ARL6IP5: variants seen among roughly 807,000 people sequenced by gnomAD.
ARL6IP5 encodes PRA1 family protein 3.
In ARL6IP5, 6 loss-of-function variants were observed where a neutral mutation model predicts 13.0. The ratio of observed to expected loss-of-function variants is 0.46; its 90% CI spans 0.25 to 0.91. ARL6IP5 has a LOEUF of 0.91. ARL6IP5 is among the 40% of genes least tolerant of loss of function. The pLI is 0.17. For missense variants in ARL6IP5, 208 were observed against 248.8 expected, an observed-to-expected ratio of 0.84 and a Z score of 1.10; for synonymous variants, 91 against 91.9, an observed-to-expected ratio of 0.99 and a Z score of 0.06.
intron 2 of ARL6IP5, chr3:69,102,303 C>A: frequency 1.9e-6 from 1 of 527,410 alleles, no homozygotes; most frequent in Non-Finnish European, 3.4e-6. Context: ...TGCTATGTGT[C>A]ATACATTCTT....
At chr3:69,097,031 T>A (rs908891050) in intron 1 of ARL6IP5, among the ~76,000 whole-genome samples, 1 of 151,976 alleles carries the variant, frequency 6.6e-6, no homozygotes, top group African/African-American at 2.4e-5. Flanking sequence ...TAAATACCAA[T>A]TTTTTTTATT....
chr3:69,085,057 A>G lies in ARL6IP5; in HGVS notation c.10A>G (p.Asn4Asp). The G allele has an allele frequency of 6.2e-7, 1 of 1,613,828 alleles. No homozygotes were observed. Among genetic ancestry groups the G allele is most frequent in the East Asian group, 2.2e-5 (1 of 44,880 alleles). ...ACGCAAAGCTGAGAACATGGACGTT[A>G]ATATCGCCCCACTCCGCGCCTGGGA... MDVNIAPLRAWDDF... is the reference protein window; with the variant it reads MDVDIAPLRAWDDF... Residue 4 changes from asparagine (N) to aspartate (D), a missense_variant, in exon 1 of 3, where the codon AAT becomes GAT. Asn to Asp is a conservative substitution (Grantham distance 23). Coordinates refer to ENST00000273258, the MANE Select transcript of ARL6IP5 (RefSeq NM_006407.4).
Position 69,105,050 on chromosome 3 carries a change from C to A in ARL6IP5, c.*414C>A. 1.7e-6 allele frequency: 1 copy of A among 595,736 alleles called. No homozygotes were observed. Among genetic ancestry groups the A allele is most frequent in the Non-Finnish European group, 3.0e-6 (1 of 338,230 alleles). The allele number at this position is 595,736 out of a possible 1,614,324, so 36.9% of individuals were successfully genotyped here. Reference sequence around the variant, plus strand: ...TAAAGTAGATGACATCATGTGTTAGCCTGTTCCTAATCCCCTAGAATTGTA... The same window carrying A: ...TAAAGTAGATGACATCATGTGTTAGACTGTTCCTAATCCCCTAGAATTGTA... On this transcript the variant is annotated 3_prime_UTR_variant, in exon 3 of 3. Transcript: ENST00000273258.
At chr3:69,091,950 A>G in intron 1 of ARL6IP5, among the ~76,000 whole-genome samples, 1 of 152,138 alleles carries the variant, frequency 6.6e-6, no homozygotes. Context: ...TATTTTTTGG[A>G]CAAATGAATT....
rs1315626633 is a variant in ARL6IP5 at position 69,101,944 on chromosome 3, G to A, written c.282G>A (p.Lys94=). 6.2e-7 allele frequency: 1 copy of A among 1,614,110 alleles called. No individual in the cohort carries two copies. The highest frequency in any genetic ancestry group is 2.2e-5 in the East Asian group (1 of 44,854). The change falls in exon 2 of 3, where the codon AAG becomes AAA. Residue 94 remains lysine, a synonymous_variant. Coordinates refer to ENST00000273258, the MANE Select transcript of ARL6IP5 (RefSeq NM_006407.4). The part of the protein sequence containing the change: ...AHNKDVLRRM[K]KRYPTTFVMV... ...ATAAAGACGTCCTTCGCCGGATGAAGAAGCGCTACCCCACGACGTTCGTTA... is the reference window on the plus strand; with the variant it reads ...ATAAAGACGTCCTTCGCCGGATGAAAAAGCGCTACCCCACGACGTTCGTTA...
chr3:69,098,340 G>A, intron 1 of ARL6IP5, among the ~76,000 whole-genome samples: 1 of 150,604 alleles, frequency 6.6e-6, no homozygotes, highest in Non-Finnish European at 1.5e-5. Context: ...CGCCTCCCAG[G>A]TTCAAGCAAT....
chr3:69,099,191 T>C (rs1245097007), intron 1 of ARL6IP5, among the ~76,000 whole-genome samples: 1 of 142,314 alleles, frequency 7.0e-6, no homozygotes, highest in African/African-American at 2.7e-5. Context: ...GCCAACATGG[T>C]GAAACCCCGT....
intron 1 of ARL6IP5, among the ~76,000 whole-genome samples, chr3:69,088,247 C>T (rs1367653000): frequency 2.0e-5 from 3 of 152,164 alleles, no homozygotes; most frequent in African/African-American, 7.2e-5. Flanking sequence ...TATCCTCTTT[C>T]GGTGATGCTA....
chr3:69,088,921 T>C (rs536506412), intron 1 of ARL6IP5, among the ~76,000 whole-genome samples: 1 of 152,368 alleles, frequency 6.6e-6, no homozygotes, highest in African/African-American at 2.4e-5. Context: ...TGATACATTC[T>C]AGTTGTGGAT....
intron 1 of ARL6IP5, among the ~76,000 whole-genome samples, chr3:69,088,354 G>A (rs537376782): frequency 1.4e-4 from 22 of 152,306 alleles, no homozygotes; most frequent in Non-Finnish European, 2.9e-4. Flanking sequence ...GAGTATATGT[G>A]AAAATGTGAC....
At position 69,085,073 on chromosome 3, in the gene ARL6IP5, G is replaced by A; in HGVS notation, c.26G>A (p.Arg9His). MDVNIAPL[R>H]AWDDFFPGSD... ...ATGGACGTTAATATCGCCCCACTCCGCGCCTGGGACGATTTCTTCCCGGGT... is the reference window on the plus strand; with the variant it reads ...ATGGACGTTAATATCGCCCCACTCCACGCCTGGGACGATTTCTTCCCGGGT... The change falls in exon 1 of 3, where the codon CGC (arginine) becomes CAC (histidine). Residue 9 changes from arginine to histidine, a missense_variant. By Grantham distance (29) the Arg-to-His change is conservative. Transcript: ENST00000273258. 1.2e-6 allele frequency: 2 copies of A among 1,614,102 alleles called. No homozygotes were observed. The highest frequency in any genetic ancestry group is 1.7e-6 in the Non-Finnish European group (2 of 1,180,022).
chr3:69,088,723 C>T (rs1438556704), intron 1 of ARL6IP5, among the ~76,000 whole-genome samples: 2 of 152,220 alleles, frequency 1.3e-5, no homozygotes, highest in Admixed American at 1.3e-4. Flanking sequence ...GGATCCTTTA[C>T]ATCAAGAAGG....
At chr3:69,086,717 A>C (rs2092248728) in intron 1 of ARL6IP5, among the ~76,000 whole-genome samples, 1 of 150,374 alleles carries the variant, frequency 6.7e-6, no homozygotes, top group African/African-American at 2.4e-5. Flanking sequence ...AACACTAAAA[A>C]ATTTCTTTTT....
intron 2 of ARL6IP5, among the ~76,000 whole-genome samples, chr3:69,102,536 A>G (rs976198324): frequency 2.0e-5 from 3 of 152,224 alleles, no homozygotes; most frequent in African/African-American, 7.2e-5. Context: ...CTGGGATTAC[A>G]GGCGTGAGCC....
Position 69,086,775 on chromosome 3 carries a change from T to C in ARL6IP5, c.176+1552T>C, listed in dbSNP as rs576520964. 2.1e-4 allele frequency among the ~76,000 whole-genome samples: 31 copies of C among 148,386 alleles called. No homozygotes were observed. In the South Asian group the frequency reaches 6.6e-3, roughly 32 times the overall value. ...CCTCGTTCTGTCGCCCAGGCTGGAG[T>C]GCAGTGGCGTGATCTCGTCTCACTA... On this transcript the variant is annotated intron_variant, in intron 1 of 2. Coordinates refer to ENST00000273258, the MANE Select transcript of ARL6IP5 (RefSeq NM_006407.4).
intron 1 of ARL6IP5, among the ~76,000 whole-genome samples, chr3:69,093,364 T>A (rs1362277141): frequency 6.6e-6 from 1 of 152,188 alleles, no homozygotes; most frequent in Non-Finnish European, 1.5e-5. Flanking sequence ...GACCTTTCTG[T>A]AACAAAAGAG....
rs182703309 is a variant in ARL6IP5 at position 69,092,766 on chromosome 3, C to T, written c.176+7543C>T. Among the ~76,000 whole-genome samples, 62 of 151,782 alleles carry T rather than the reference C, an allele frequency of 4.1e-4. No individual in the cohort carries two copies. In the South Asian group the frequency reaches 0.012, roughly 30 times the overall value. ...AACTCCTAGCCTCAAGTTATCCCCCCACCTCAGCCTCCCAAAGTGCTGGGA... is the reference window on the plus strand; with the variant it reads ...AACTCCTAGCCTCAAGTTATCCCCCTACCTCAGCCTCCCAAAGTGCTGGGA... On this transcript the variant is annotated intron_variant, in intron 1 of 2. Coordinates refer to ENST00000273258, the MANE Select transcript of ARL6IP5 (RefSeq NM_006407.4).
intron 1 of ARL6IP5, among the ~76,000 whole-genome samples, chr3:69,094,259 C>G (rs2092279731): frequency 6.6e-6 from 1 of 152,110 alleles, no homozygotes; most frequent in Admixed American, 6.5e-5. Context: ...CAGTTACAGC[C>G]AAAGCCAAAT....
At chr3:69,102,426 T>TAA (rs2092308619) in intron 2 of ARL6IP5, among the ~76,000 whole-genome samples, 1 of 152,140 alleles carries the variant, frequency 6.6e-6, no homozygotes. Context: ...CCCAGCTAAT[T>TAA]TTTTGTGTTT....
Sources: allele counts gnomAD v4.1 joint callset (sites outside exome capture counted in the v4.1 genomes callset), GRCh38; gene constraint gnomAD v4.1.1; transcripts MANE v1.5; gene names NCBI Gene and HGNC (gene_info 2026-07-23, HGNC 2026-07-21).